PAPSS2: variants seen among roughly 807,000 people sequenced by gnomAD.
The protein encoded by PAPSS2 is 3'-phosphoadenosine 5'-phosphosulfate synthase 2.
PAPSS2 carries 61 observed loss-of-function variants against 66.5 expected under a neutral mutation model. The observed-to-expected ratio is 0.92, with a 90% CI of 0.75 to 1.14. The LOEUF (loss-of-function observed/expected upper bound fraction) is 1.14, where lower values mean the gene tolerates loss of function less well. PAPSS2 is among the 50% of genes most tolerant of loss of function. PAPSS2 has a pLI of 0.00. For missense variants in PAPSS2, 708 were observed against 789.6 expected (o/e 0.90, Z 1.24); for synonymous variants, 289 against 287.5 (o/e 1.01, Z -0.05).
intron 10 of PAPSS2, among the ~76,000 whole-genome samples, chr10:87,741,658 G>A (rs1416556106): frequency 1.3e-5 from 2 of 152,192 alleles, no homozygotes; most frequent in Non-Finnish European, 2.9e-5. Flanking sequence ...GCCTCCCAAA[G>A]TGCTGGGATT....
chr10:87,711,690 CTT>C (rs1853463690), intron 2 of PAPSS2, among the ~76,000 whole-genome samples: 1 of 152,202 alleles, frequency 6.6e-6, no homozygotes, highest in Non-Finnish European at 1.5e-5. Context: ...AAAGGCATGA[CTT>C]TAAAATATAA....
chr10:87,739,348 G>A (rs1422163963), intron 9 of PAPSS2, among the ~76,000 whole-genome samples: 2 of 152,158 alleles, frequency 1.3e-5, no homozygotes, highest in African/African-American at 4.8e-5. Context: ...TCTATGTTTA[G>A]CCTTAGATGT....
chr10:87,687,034 A>G (rs1853098059), intron 1 of PAPSS2, among the ~76,000 whole-genome samples: 1 of 152,218 alleles, frequency 6.6e-6, no homozygotes, highest in African/African-American at 2.4e-5. Context: ...TGCATGGGGC[A>G]TCCTATGTTT....
intron 3 of PAPSS2, 41 bp downstream of exon 3, chr10:87,713,351 C>T (rs1853490679): frequency 4.5e-6 from 5 of 1,122,656 alleles, no homozygotes; most frequent in African/African-American, 1.7e-5. Context: ...ACACACGATT[C>T]CCACACACAG....
At position 87,734,480 on chromosome 10, in the gene PAPSS2, A is replaced by G. The variant is rs944677992; in HGVS notation, c.1087-6755A>G. The stretch of plus-strand genomic sequence containing the variant: ...CAGTGATGAGAAGAATCTGGTTTGC[A>G]GGAGTCTGAGATTTGGGTCTTGGCT... On this transcript the variant is annotated intron_variant, in intron 9 of 12. Transcript: ENST00000456849. 1.2e-4 allele frequency among the ~76,000 whole-genome samples: 18 copies of G among 151,788 alleles called. 1 individual carries two copies. The highest frequency in any genetic ancestry group is 6.6e-5 in the Admixed American group (1 of 15,242).
At chr10:87,701,386 TTCTTTCTTTCTCTTTCTTTCTC>T (rs1853312112) in intron 1 of PAPSS2, among the ~76,000 whole-genome samples, 3 of 65,280 alleles carry the variant, frequency 4.6e-5, no homozygotes, top group Admixed American at 4.1e-4. Flanking sequence ...CTTTCTTTCT[TTCTTTCTTTCTCTTTCTTTCTC>T]TCTCTCTCTC....
intron 9 of PAPSS2, among the ~76,000 whole-genome samples, chr10:87,732,359 TA>T (rs1440426622): frequency 6.6e-6 from 1 of 151,994 alleles, no homozygotes; most frequent in Non-Finnish European, 1.5e-5. Flanking sequence ...CTCTCCCTGC[TA>T]AAAATACAAA....
At chr10:87,677,591 G>A (rs144105324) in intron 1 of PAPSS2, among the ~76,000 whole-genome samples, 94 of 152,272 alleles carry the variant, frequency 6.2e-4, no homozygotes, top group African/African-American at 2.0e-3. Flanking sequence ...AACCAGCTCC[G>A]TGCAGGAGAA....
intron 1 of PAPSS2, among the ~76,000 whole-genome samples, chr10:87,680,891 A>G (rs528329121): frequency 6.6e-6 from 1 of 152,116 alleles, no homozygotes; most frequent in South Asian, 2.1e-4. Context: ...TTGCTCCGAG[A>G]TGTATTTGTG....
In PAPSS2 at chr10:87,747,397, A is replaced by G. The variant is rs2131734028; in HGVS notation, c.*1427A>G. On this transcript the variant is annotated 3_prime_UTR_variant, in exon 13 of 13. Transcript: ENST00000456849. Reference sequence around the variant, plus strand: ...GACAATTTTCATATTCTCATTCTTAAAAAACACTAATCTTAACTAACAAAA... The same window carrying G: ...GACAATTTTCATATTCTCATTCTTAGAAAACACTAATCTTAACTAACAAAA... The G allele has an allele frequency of 6.6e-6, 1 of 152,364 alleles. No individual in the cohort carries two copies. Among genetic ancestry groups the G allele is most frequent in the East Asian group, 1.9e-4 (1 of 5,178 alleles). The allele number at this position is 152,364 out of a possible 1,614,324, so 9.4% of individuals were successfully genotyped here. A position where few individuals can be genotyped will look rare whatever the true frequency, so the allele number is the denominator to read the frequency against.
chr10:87,721,727 G>C, intron 7 of PAPSS2, 29 bp from the exon 8 acceptor site: 1 of 1,519,774 alleles, frequency 6.6e-7, no homozygotes, highest in Non-Finnish European at 8.9e-7. Flanking sequence ...AGCTGAAAAT[G>C]TTTCTTAATT....
chr10:87,660,010 T>C lies in PAPSS2; in HGVS notation c.27+2T>C. 6.2e-7 allele frequency: 1 copy of C among 1,612,546 alleles called. No homozygotes were observed. The highest frequency in any genetic ancestry group is 8.5e-7 in the Non-Finnish European group (1 of 1,179,476). On this transcript the variant is annotated splice_donor_variant, in intron 1 of 12. Transcript: ENST00000456849. LOFTEE classifies it high-confidence loss of function. The stretch of plus-strand genomic sequence containing the variant: ...TCGGGGATCAAGAAGCAAAAGACGG[T>C]AGGCTTCCAGGCGCCGGCTTCCCTC...
At chr10:87,701,089 T>A (rs945595666) in intron 1 of PAPSS2, among the ~76,000 whole-genome samples, 3 of 151,506 alleles carry the variant, frequency 2.0e-5, no homozygotes, top group Non-Finnish European at 4.4e-5. Flanking sequence ...ATAATAGATA[T>A]AATGTGATAT....
At chr10:87,685,241 A>C (rs1161832415) in intron 1 of PAPSS2, among the ~76,000 whole-genome samples, 1 of 152,206 alleles carries the variant, frequency 6.6e-6, no homozygotes, top group Non-Finnish European at 1.5e-5. Context: ...TTAACTGTTC[A>C]GGCTCTACTC....
intron 9 of PAPSS2, 42 bp from the exon 10 acceptor site, chr10:87,741,193 A>G (rs370791277): frequency 6.2e-7 from 1 of 1,604,832 alleles, no homozygotes; most frequent in Non-Finnish European, 8.5e-7. Context: ...TAAAATAGAA[A>G]TCACAATTAA....
intron 1 of PAPSS2, among the ~76,000 whole-genome samples, chr10:87,690,554 A>G (rs1342134331): frequency 6.6e-6 from 1 of 152,184 alleles, no homozygotes; most frequent in Non-Finnish European, 1.5e-5. Context: ...TTATGCAATA[A>G]TTAAATAATT....
chr10:87,687,019 A>G (rs931022962), intron 1 of PAPSS2, among the ~76,000 whole-genome samples: 3 of 152,224 alleles, frequency 2.0e-5, no homozygotes, highest in South Asian at 4.1e-4. Flanking sequence ...GTATGTCTCA[A>G]ATATTGCATG....
At chr10:87,721,513 C>T (rs1385059189) in intron 7 of PAPSS2, among the ~76,000 whole-genome samples, 1 of 152,060 alleles carries the variant, frequency 6.6e-6, no homozygotes, top group Non-Finnish European at 1.5e-5. Context: ...AATTAGAAAA[C>T]CAGATAAACA....
At chr10:87,734,703 A>ATATATATATG (rs574455849) in intron 9 of PAPSS2, among the ~76,000 whole-genome samples, 23 of 111,666 alleles carry the variant, frequency 2.1e-4, no homozygotes, top group East Asian at 8.3e-4. Flanking sequence ...ATATATATAT[A>ATATATATATG]TATGTATGTA....
Sources: allele counts gnomAD v4.1 joint callset (sites outside exome capture counted in the v4.1 genomes callset), GRCh38; gene constraint gnomAD v4.1.1; transcripts MANE v1.5; gene names NCBI Gene and HGNC (gene_info 2026-07-23, HGNC 2026-07-21).